ESYT3: variants seen among roughly 807,000 people sequenced by gnomAD.
The protein encoded by ESYT3 is extended synaptotagmin 3.
In ESYT3, 101 loss-of-function variants were observed where a neutral mutation model predicts 111.5. That is an observed-to-expected ratio of 0.91 (90% CI 0.77 to 1.07). The LOEUF is 1.07. ESYT3 is among the 50% of genes least tolerant of loss of function. ESYT3 has a pLI of 0.00. For synonymous variants in ESYT3, 416 were observed against 446.8 expected (o/e 0.93, Z 0.87); for missense variants, 1,097 against 1,109.4 (o/e 0.99, Z 0.16).
intron 3 of ESYT3, among the ~76,000 whole-genome samples, chr3:138,456,875 A>G (rs1431795002): frequency 6.6e-6 from 1 of 152,174 alleles, no homozygotes; most frequent in Non-Finnish European, 1.5e-5. Context: ...AATGATATTT[A>G]CCATATCAGA....
intron 1 of ESYT3, among the ~76,000 whole-genome samples, chr3:138,448,457 T>C (rs2031705001): frequency 6.6e-6 from 1 of 150,884 alleles, no homozygotes; most frequent in African/African-American, 2.5e-5. Flanking sequence ...GATTCCCAAG[T>C]CAAGGAAAAA....
chr3:138,465,949 C>T (rs2108621410), intron 10 of ESYT3, among the ~76,000 whole-genome samples: 1 of 152,298 alleles, frequency 6.6e-6, no homozygotes, highest in South Asian at 2.1e-4. Flanking sequence ...GCAGAACTAT[C>T]CATAGAAGAA....
At chr3:138,450,365 T>G (rs2108602260) in intron 1 of ESYT3, among the ~76,000 whole-genome samples, 2 of 152,294 alleles carry the variant, frequency 1.3e-5, no homozygotes, top group Middle Eastern at 3.4e-3. Flanking sequence ...CAGAGAATGT[T>G]TGCTGAGCAG....
At position 138,472,460 on chromosome 3, in the gene ESYT3, A is replaced by T. The variant is rs946589039; in HGVS notation, c.1838A>T (p.Gln613Leu). 6.2e-6 allele frequency: 10 copies of T among 1,614,118 alleles called. No individual in the cohort carries two copies. Among genetic ancestry groups the T allele is most frequent in the Non-Finnish European group, 8.5e-6 (10 of 1,180,052 alleles). The change falls in exon 18 of 23, where the codon CAG becomes CTG. Residue 613 changes from glutamine (Q) to leucine (L), a missense_variant. Gln to Leu is a moderately radical substitution (Grantham distance 113). Transcript: ENST00000389567. ...CTCATCAAGAAAGTGGCTACCAACC[A>T]GGGTCCCAAAGCCCAACCTCAGGAA... ...PLLIKKVATN[Q>L]GPKAQPQEEG...
chr3:138,442,460 C>T (rs965280848), intron 1 of ESYT3, among the ~76,000 whole-genome samples: 2 of 152,132 alleles, frequency 1.3e-5, no homozygotes, highest in East Asian at 1.9e-4. Flanking sequence ...ACACGGCTAG[C>T]GGAGGTGGGT....
Position 138,470,860 on chromosome 3 carries a change from A to G in ESYT3, c.1591-17A>G. 1 of 1,613,936 alleles carries G rather than the reference A, an allele frequency of 6.2e-7. No homozygotes were observed. Among genetic ancestry groups the G allele is most frequent in the Non-Finnish European group, 8.5e-7 (1 of 1,179,902 alleles). The stretch of plus-strand genomic sequence containing the variant: ...GGCTTGGTTATCCTCTTGTTTTGTG[A>G]CTGGACCACTGCCCAGGTGCTTGAT... On this transcript the variant is annotated splice_polypyrimidine_tract_variant and intron_variant, in intron 16 of 22. Transcript: ENST00000389567.
intron 21 of ESYT3, 56 bp from the exon 22 acceptor site, chr3:138,476,387 A>T: frequency 6.2e-7 from 1 of 1,605,416 alleles, no homozygotes; most frequent in Non-Finnish European, 8.5e-7. Context: ...CCTTATCCCA[A>T]TTTCTTTCCT....
In ESYT3 at chr3:138,435,259, C is replaced by G. The variant is rs2030567407; in HGVS notation, c.327+134C>G. On this transcript the variant is annotated intron_variant, in intron 1 of 22. Transcript: ENST00000389567. The surrounding 1 kb of genome is among the most constrained non-coding windows in gnomAD (Gnocchi z 4.8). ...CCCGGCGACCTGCACACCCCGTTCC[C>G]CACCGCTCCCGGGGCGCAGACCCTG... The G allele has an allele frequency of 3.4e-6, 3 of 877,152 alleles. No individual in the cohort carries two copies. Among genetic ancestry groups the G allele is most frequent in the Admixed American group, 2.9e-5 (1 of 34,220 alleles). 54.3% of individuals were successfully genotyped at this position (877,152 alleles called of 1,614,324 possible). A position where few individuals can be genotyped will look rare whatever the true frequency, so the allele number is the denominator to read the frequency against.
At chr3:138,437,245 C>T (rs2030779298) in intron 1 of ESYT3, among the ~76,000 whole-genome samples, 1 of 152,156 alleles carries the variant, frequency 6.6e-6, no homozygotes, top group Admixed American at 6.5e-5. Flanking sequence ...GGAACAGGGT[C>T]TAGTCAGGTA....
rs564260681 is a variant in ESYT3, at chr3:138,475,695, C to T, written c.2469-528C>T. Among the ~76,000 whole-genome samples the T allele has an allele frequency of 5.3e-5, 8 of 152,066 alleles. No individual in the cohort carries two copies. In the East Asian group the frequency reaches 5.8e-4, roughly 11 times the overall value. On this transcript the variant is annotated intron_variant, in intron 20 of 22. Transcript: ENST00000389567. Reference sequence around the variant, plus strand: ...GTAATCCCAGCACTTTGGGAGGCTGCGGCAGGCAGATTATCTGAGGTCGGG... The same window carrying T: ...GTAATCCCAGCACTTTGGGAGGCTGTGGCAGGCAGATTATCTGAGGTCGGG...
Position 138,435,981 on chromosome 3 carries a change from C to G in ESYT3, c.327+856C>G, listed in dbSNP as rs1055513765. ...GCTGGGGCTCTTCGTTTTCAGATTT[C>G]TTCCAGTTACTCTCAGGCCCACGGG... On this transcript the variant is annotated intron_variant, in intron 1 of 22. Transcript: ENST00000389567. This position sits in a 1 kb window ranked among gnomAD's most constrained non-coding sequence, Gnocchi z 4.8. 2.6e-5 allele frequency among the ~76,000 whole-genome samples: 4 copies of G among 152,200 alleles called. No homozygotes were observed. Among genetic ancestry groups the G allele is most frequent in the African/African-American group, 9.6e-5 (4 of 41,458 alleles).
rs916713950 is a variant in ESYT3 at position 138,435,437 on chromosome 3, G to T, written c.327+312G>T. 1.3e-4 allele frequency among the ~76,000 whole-genome samples: 20 copies of T among 152,230 alleles called. No individual in the cohort carries two copies. The highest frequency in any genetic ancestry group is 4.8e-4 in the African/African-American group (20 of 41,466). Reference sequence around the variant, plus strand: ...CCACACCCGGGAGAAAAACAAGGGCGTCTGGGACTTCGCAGACTTACTCGG... The same window carrying T: ...CCACACCCGGGAGAAAAACAAGGGCTTCTGGGACTTCGCAGACTTACTCGG... On this transcript the variant is annotated intron_variant, in intron 1 of 22. Transcript: ENST00000389567. The surrounding 1 kb of genome is among the most constrained non-coding windows in gnomAD (Gnocchi z 4.8).
chr3:138,465,249 C>G, intron 9 of ESYT3, 90 bp from the exon 10 acceptor site: 1 of 916,288 alleles, frequency 1.1e-6, no homozygotes, highest in Middle Eastern at 2.3e-4. Flanking sequence ...CAGGAACCTG[C>G]TAGCGTTCTG....
At chr3:138,468,939 G>C (rs2033078340) in intron 14 of ESYT3, 58 bp downstream of exon 14, 1 of 1,554,760 alleles carries the variant, frequency 6.4e-7, no homozygotes, top group African/African-American at 1.4e-5. Context: ...TCTCTCCCCA[G>C]AGTAACCACA....
chr3:138,453,511 A>G (rs1294434282), intron 2 of ESYT3, among the ~76,000 whole-genome samples: 1 of 152,234 alleles, frequency 6.6e-6, no homozygotes, highest in Non-Finnish European at 1.5e-5. Flanking sequence ...GATGGGAACA[A>G]TGAGCCCTAA....
At position 138,469,454 on chromosome 3, in the gene ESYT3, C is replaced by G; in HGVS notation, c.1453C>G (p.Pro485Ala). 6.2e-7 allele frequency: 1 copy of G among 1,613,976 alleles called. No homozygotes were observed. The highest frequency in any genetic ancestry group is 8.5e-7 in the Non-Finnish European group (1 of 1,179,936). The change falls in exon 15 of 23, where the codon CCT (proline) becomes GCT (alanine). Residue 485 changes from proline (P) to alanine (A), a missense_variant. Coordinates refer to ENST00000389567, the MANE Select transcript of ESYT3 (RefSeq NM_031913.5). Reference sequence around the variant, plus strand: ...CTCACAGAACAAGGTCAGCAAAGACCCTTCTTCCTATGTCAAACTATCTGT... The same window carrying G: ...CTCACAGAACAAGGTCAGCAAAGACGCTTCTTCCTATGTCAAACTATCTGT... ...RFARNKVSKD[P>A]SSYVKLSVGK...
At chr3:138,449,087 T>C (rs565957902) in intron 1 of ESYT3, among the ~76,000 whole-genome samples, 47 of 142,618 alleles carry the variant, frequency 3.3e-4, no homozygotes, top group East Asian at 2.0e-3. Flanking sequence ...TTTTTCTTTT[T>C]TTTTTTTTTT....
chr3:138,465,625 C>T (rs2032890308), intron 10 of ESYT3, among the ~76,000 whole-genome samples: 1 of 152,208 alleles, frequency 6.6e-6, no homozygotes, highest in African/African-American at 2.4e-5. Context: ...CCAGCCCTGA[C>T]CTAGGCCCTG....
intron 22 of ESYT3, 145 bp downstream of exon 22, chr3:138,476,637 T>TGATA (rs1334647802): frequency 1.7e-5 from 18 of 1,044,482 alleles, no homozygotes; most frequent in Non-Finnish European, 2.5e-5. Flanking sequence ...CAGATCTCAC[T>TGATA]GATACCCTAA....
Sources: gnomAD v4.1 joint callset for allele counts (sites outside exome capture counted in the v4.1 genomes callset) on GRCh38, gnomAD v4.1.1 for gene constraint, Gnocchi (gnomAD v3.1) non-coding constraint, MANE v1.5 for transcripts, NCBI Gene and HGNC (gene_info 2026-07-23, HGNC 2026-07-21) for gene names.